Variants in ZFP1 observed in about 807,000 individuals in gnomAD.
The protein encoded by ZFP1 is ZFP1 zinc finger protein.
Under a neutral mutation model 38.5 loss-of-function variants are expected in ZFP1, and 32 were observed. The ratio of observed to expected loss-of-function variants is 0.83; its 90% confidence interval spans 0.63 to 1.12. The LOEUF (loss-of-function observed/expected upper bound fraction) is 1.12. Among genes scored for constraint, ZFP1 ranks in the 50% most tolerant of loss-of-function variants. The pLI is 0.00. For missense variants in ZFP1, 616 were observed against 480.8 expected (o/e 1.28, Z -2.63); for synonymous variants, 245 against 168.8 (o/e 1.45, Z -3.50).
At position 75,168,409 on chromosome 16, in the gene ZFP1, G is replaced by T. The variant is rs188606638; in HGVS notation, c.143-844G>T. 6.6e-5 allele frequency among the ~76,000 whole-genome samples: 10 copies of T among 151,900 alleles called. No individual in the cohort carries two copies. In the East Asian group the frequency reaches 1.8e-3, roughly 27 times the overall value. ...TGAGAGTATCCCTTGAGCCCAGGAG[G>T]TCAAGGCTGCAGTGAGCTATGATTG... is the stretch of plus-strand genomic sequence containing the variant. On this transcript the variant is annotated intron_variant, in intron 3 of 3. Transcript: ENST00000570010.
rs2038403374 is a variant in ZFP1, at chr16:75,171,094, A to G, written c.*760A>G. The G allele has an allele frequency of 7.5e-6, 1 of 133,588 alleles. No individual in the cohort carries two copies. Among genetic ancestry groups the G allele is most frequent in the Non-Finnish European group, 1.7e-5 (1 of 59,490 alleles). The allele number at this position is 133,588 out of a possible 1,614,324, so 8.3% of individuals were successfully genotyped here. ...TGTACTACTCAGTATGCACCACAGA[A>G]TAAGAGTTTGCCGTGTAAAGACAAT... On this transcript the variant is annotated 3_prime_UTR_variant, in exon 4 of 4. Transcript: ENST00000570010.
the ZFP1 span, among the ~76,000 whole-genome samples, chr16:75,139,383 A>AC: frequency 2.6e-4 from 39 of 148,132 alleles, 1 homozygote; most frequent in African/African-American, 9.7e-4. Flanking sequence ...AAAAAAAAAA[A>AC]AAAAAAAAAA....
At chr16:75,161,361 G>A (rs542877802) in intron 2 of ZFP1, among the ~76,000 whole-genome samples, 9 of 151,956 alleles carry the variant, frequency 5.9e-5, no homozygotes, top group South Asian at 2.1e-4. Context: ...GAGCCACTGC[G>A]CCCGGCCAAC....
chr16:75,141,363 T>G, the ZFP1 span, among the ~76,000 whole-genome samples: 26 of 151,452 alleles, frequency 1.7e-4, no homozygotes, highest in Admixed American at 4.6e-4. Context: ...CCACCACACC[T>G]GGCTAATTTT....
At chr16:75,123,877 G>A in the ZFP1 span, among the ~76,000 whole-genome samples, 3 of 151,734 alleles carry the variant, frequency 2.0e-5, no homozygotes, top group African/African-American at 7.2e-5. Flanking sequence ...GCATCACAAG[G>A]TCAGGAAATC....
chr16:75,143,246 T>C, the ZFP1 span, among the ~76,000 whole-genome samples: 60,591 of 151,922 alleles, frequency 0.4, 13,028 homozygotes, highest in Middle Eastern at 0.54. Context: ...TTTTTTGTTT[T>C]GTTTTTGTTT....
At chr16:75,158,494 C>T (rs942062014) in intron 2 of ZFP1, among the ~76,000 whole-genome samples, 10 of 151,522 alleles carry the variant, frequency 6.6e-5, no homozygotes, top group Non-Finnish European at 1.3e-4. Context: ...AGGCCTGTGA[C>T]AGTTAATTTT....
At chr16:75,167,111 A>G (rs1042372746) in intron 3 of ZFP1, among the ~76,000 whole-genome samples, 1 of 152,234 alleles carries the variant, frequency 6.6e-6, no homozygotes, top group Non-Finnish European at 1.5e-5. Flanking sequence ...CCATTAGTAA[A>G]TGGCTGTCAA....
rs764568499 is a variant in ZFP1, at chr16:75,169,355, G to C, written c.245G>C (p.Arg82Thr). 3 of 1,614,152 alleles carry C rather than the reference G, an allele frequency of 1.9e-6. No homozygotes were observed. The highest frequency in any genetic ancestry group is 1.7e-5 in the Admixed American group (1 of 60,018). ...ILKNQTPIEERGDLFGKALNL... is the reference protein window; with the variant it reads ...ILKNQTPIEETGDLFGKALNL... The stretch of plus-strand genomic sequence containing the variant: ...AAGAACCAAACCCCAATTGAGGAAA[G>C]AGGCGATCTCTTTGGAAAAGCACTT... Residue 82 changes from arginine to threonine, a missense_variant, in exon 4 of 4, where the codon AGA becomes ACA. Arg to Thr is a moderately conservative substitution (Grantham distance 71). Coordinates refer to ENST00000570010, the MANE Select transcript of ZFP1 (RefSeq NM_153688.4).
chr16:75,137,461 C>CTTTTTTTTTTT, the ZFP1 span, among the ~76,000 whole-genome samples: 6 of 89,416 alleles, frequency 6.7e-5, 1 homozygote, highest in Non-Finnish European at 1.2e-4. Context: ...AAAAAAAATT[C>CTTTTTTTTTTT]TTTTTTTTTT....
chr16:75,147,131 G>A (rs921839626), upstream of ZFP1, among the ~76,000 whole-genome samples: 1 of 152,066 alleles, frequency 6.6e-6, no homozygotes, highest in Non-Finnish European at 1.5e-5. Flanking sequence ...GTTGTGGGAT[G>A]GATGAATAAA....
chr16:75,167,172 A>G (rs1483836347), intron 3 of ZFP1, among the ~76,000 whole-genome samples: 1 of 152,252 alleles, frequency 6.6e-6, no homozygotes, highest in African/African-American at 2.4e-5. Flanking sequence ...TGGGTAGCAT[A>G]GAGTTGTCAA....
chr16:75,124,398 G>T, the ZFP1 span, among the ~76,000 whole-genome samples: 1 of 150,816 alleles, frequency 6.6e-6, no homozygotes, highest in Non-Finnish European at 1.5e-5. Flanking sequence ...GACCTCAGGT[G>T]ATCTGCCCTC....
chr16:75,125,360 C>T, the ZFP1 span, among the ~76,000 whole-genome samples: 164 of 152,196 alleles, frequency 1.1e-3, no homozygotes, highest in Middle Eastern at 6.8e-3. Flanking sequence ...TGGCTCTTGT[C>T]GCCCAGGCTG....
intron 2 of ZFP1, among the ~76,000 whole-genome samples, chr16:75,165,119 T>C (rs1244297261): frequency 1.3e-5 from 2 of 152,080 alleles, no homozygotes; most frequent in Non-Finnish European, 2.9e-5. Flanking sequence ...TAAATCGAGT[T>C]TTATTGGAAC....
At chr16:75,163,776 T>C (rs751148739) in intron 2 of ZFP1, among the ~76,000 whole-genome samples, 1 of 151,748 alleles carries the variant, frequency 6.6e-6, no homozygotes, top group East Asian at 1.9e-4. Flanking sequence ...CACGTCCAGC[T>C]AGGTGTTCTG....
upstream of ZFP1, among the ~76,000 whole-genome samples, chr16:75,146,254 C>A (rs1338802312): frequency 6.6e-6 from 1 of 151,956 alleles, no homozygotes; most frequent in Non-Finnish European, 1.5e-5. Context: ...GCTCCGCCTC[C>A]CAGGTTCACG....
intron 2 of ZFP1, among the ~76,000 whole-genome samples, chr16:75,158,423 C>A (rs774942649): frequency 2.0e-5 from 3 of 151,684 alleles, no homozygotes; most frequent in Non-Finnish European, 2.9e-5. Context: ...GTGGTGTGAT[C>A]TTGGCTCATT....
chr16:75,125,618 C>T, the ZFP1 span, among the ~76,000 whole-genome samples: 47,666 of 152,032 alleles, frequency 0.31, 7,661 homozygotes, highest in Non-Finnish European at 0.34. Flanking sequence ...CCACCGTGCC[C>T]AGCTGGAAGT....
Sources: allele counts gnomAD v4.1 joint callset (sites outside exome capture counted in the v4.1 genomes callset), GRCh38; gene constraint gnomAD v4.1.1; transcripts MANE v1.5; gene names NCBI Gene and HGNC (gene_info 2026-07-23, HGNC 2026-07-21).